FGD1: variants seen among roughly 807,000 people sequenced by gnomAD.
The protein encoded by FGD1 is FYVE, RhoGEF and PH domain-containing protein 1.
In FGD1, 12 loss-of-function variants were observed where a neutral mutation model predicts 65.0. That is an observed-to-expected ratio of 0.18 (90% CI 0.12 to 0.30). FGD1 has a LOEUF of 0.30. Among genes scored for constraint, FGD1 ranks in the 10% least tolerant of loss-of-function variants. FGD1 has a pLI of 1.00. For missense variants in FGD1, 542 were observed against 837.6 expected (o/e 0.65, Z 4.36); for synonymous variants, 333 against 343.9 (o/e 0.97, Z 0.35).
At chrX:54,469,318 A>G (rs1922829525) in intron 4 of FGD1, among the ~76,000 whole-genome samples, 1 of 112,233 alleles carries the variant, frequency 8.9e-6, no homozygotes, top group Admixed American at 9.5e-5. Flanking sequence ...ACAAAAACAA[A>G]ACCAAAACAA....
In FGD1 at chrX:54,465,723, C is replaced by T. The variant is rs1478541097; in HGVS notation, c.1470G>A (p.Gln490=). 2.5e-6 allele frequency: 3 copies of T among 1,211,506 alleles called. No individual in the cohort carries two copies. Among genetic ancestry groups the T allele is most frequent in the Admixed American group, 2.2e-5 (1 of 45,994 alleles). Residue 490 remains glutamine, a synonymous_variant, in exon 7 of 18, where the codon CAG becomes CAA. Transcript: ENST00000375135. The stretch of plus-strand genomic sequence containing the variant: ...GCACCTCATGGATGATGACTTTAAA[C>T]TGGGTGGAGCGCTCTGTCCAGGTGT... ...LVNTWTERST[Q]FKVIIHEVQK...
chrX:54,462,765 CTT>C (rs1181178139), intron 8 of FGD1, among the ~76,000 whole-genome samples: 4 of 83,821 alleles, frequency 4.8e-5, no homozygotes, highest in Non-Finnish European at 4.6e-5. Flanking sequence ...GCTGCTCCTT[CTT>C]TTTTTTTTTT....
chrX:54,452,703 G>A (rs952407037), intron 12 of FGD1, among the ~76,000 whole-genome samples: 2 of 111,416 alleles, frequency 1.8e-5, no homozygotes, highest in African/African-American at 3.3e-5. Flanking sequence ...CCGAGATGGC[G>A]CCACTGCACT....
chrX:54,494,676 T>TC (rs1397803723), intron 1 of FGD1, among the ~76,000 whole-genome samples: 1 of 110,801 alleles, frequency 9.0e-6, no homozygotes, highest in Non-Finnish European at 1.9e-5. Flanking sequence ...TCATGAGGGT[T>TC]CCTGAAGCTG....
chrX:54,470,828 GTGAAACCCCATCTCTA>G (rs1298392935), intron 2 of FGD1, 68 bp from the exon 3 acceptor site: 2 of 536,811 alleles, frequency 3.7e-6, no homozygotes, highest in African/African-American at 4.8e-5. Context: ...GGCTAACATG[GTGAAACCCCATCTCTA>G]CTAAAAATAC....
At chrX:54,456,690 C>T (rs1407886408) in intron 8 of FGD1, 123 bp from the exon 9 acceptor site, 18 of 526,932 alleles carry the variant, frequency 3.4e-5, no homozygotes, top group South Asian at 6.3e-5. Context: ...TGGAGTGCAG[C>T]GGCATGATCA....
chrX:54,449,701 G>A lies in FGD1; in HGVS notation c.2106C>T (p.Asn702=), dbSNP rs749630642. ...TGTCTTCATCTTCCCTGTTTGTTGA[G>A]TTCAACAGTTTGAAAGTCTCCAGCG... The part of the protein sequence containing the change: ...EQTLETFKLL[N]STNREDEDTP... The change falls in exon 14 of 18, where the codon AAC becomes AAT. Residue 702 remains asparagine, a synonymous_variant. Coordinates refer to ENST00000375135, the MANE Select transcript of FGD1 (RefSeq NM_004463.3). The A allele has an allele frequency of 2.5e-6, 3 of 1,206,509 alleles. No homozygotes were observed. The Admixed American group carries it at 6.6e-5, about 26-fold the overall frequency.
chrX:54,471,566 G>A, intron 1 of FGD1, 79 bp from the exon 2 acceptor site: 1 of 948,478 alleles, frequency 1.1e-6, no homozygotes, highest in Non-Finnish European at 1.5e-6. Context: ...GGACTGGCAT[G>A]TCTTAGCAGC....
chrX:54,449,045 G>T (rs1601948503), intron 15 of FGD1, 78 bp from the exon 16 acceptor site: 2 of 1,201,349 alleles, frequency 1.7e-6, no homozygotes, highest in Non-Finnish European at 2.3e-6. Context: ...CAGCAGACTT[G>T]TGGCCTCCCC....
intron 1 of FGD1, among the ~76,000 whole-genome samples, chrX:54,486,110 A>G (rs1442544209): frequency 2.9e-5 from 3 of 104,700 alleles, no homozygotes; most frequent in Non-Finnish European, 5.9e-5. Context: ...TTTTTGAGAC[A>G]GAGTCTCGCT....
intron 1 of FGD1, among the ~76,000 whole-genome samples, chrX:54,493,334 G>C (rs769889441): frequency 1.8e-5 from 2 of 112,415 alleles, no homozygotes; most frequent in African/African-American, 6.5e-5. Flanking sequence ...GTGAGCAAAA[G>C]AGATATAATC....
intron 17 of FGD1, among the ~76,000 whole-genome samples, chrX:54,446,939 G>A (rs1329481591): frequency 1.8e-5 from 2 of 110,225 alleles, no homozygotes; most frequent in Non-Finnish European, 3.8e-5. Context: ...GGCCAGGCTG[G>A]TCTTGAACTC....
At chrX:54,468,152 G>A (rs148552610) in intron 5 of FGD1, among the ~76,000 whole-genome samples, 46 of 111,668 alleles carry the variant, frequency 4.1e-4, no homozygotes, top group Middle Eastern at 4.6e-3. Context: ...GCTTGGTCCC[G>A]GCAGAGCAAG....
intron 1 of FGD1, among the ~76,000 whole-genome samples, chrX:54,477,860 C>T (rs1481919838): frequency 9.0e-6 from 1 of 111,498 alleles, no homozygotes; most frequent in African/African-American, 3.3e-5. Flanking sequence ...TGGCTCATGC[C>T]TGTAATCCCA....
Position 54,446,149 on chromosome X carries a change from G to C in FGD1, c.2846C>G (p.Ala949Gly). The change falls in exon 18 of 18, where the codon GCT (alanine) becomes GGT (glycine). Residue 949 changes from alanine (A) to glycine (G), a missense_variant. Coordinates refer to ENST00000375135, the MANE Select transcript of FGD1 (RefSeq NM_004463.3). ...EAPVAALGAT[A>G]EPPESPQTRD... The stretch of plus-strand genomic sequence containing the variant: ...GGTCTGGGGGGATTCGGGGGGTTCA[G>C]CAGTGGCTCCTAAAGCAGCCACCGG... The C allele has an allele frequency of 8.3e-7, 1 of 1,211,039 alleles. No homozygotes were observed. The highest frequency in any genetic ancestry group is 1.1e-6 in the Non-Finnish European group (1 of 895,180).
At chrX:54,456,408 GCCT>G (rs1922503319) in intron 9 of FGD1, 42 bp from the exon 10 acceptor site, 3 of 1,210,608 alleles carry the variant, frequency 2.5e-6, no homozygotes, top group Non-Finnish European at 2.2e-6. Flanking sequence ...TGGGGTGCCA[GCCT>G]CCTGTCAGAT....
At chrX:54,468,758 G>A (rs777406899) in intron 5 of FGD1, 29 bp downstream of exon 5, 2 of 1,086,528 alleles carry the variant, frequency 1.8e-6, no homozygotes, top group Admixed American at 2.3e-5. Context: ...AAGGTCCTGG[G>A]GCCCTCGTAC....
Position 54,447,455 on chromosome X carries a change from C to A in FGD1, c.2437-1G>T. 8.3e-7 allele frequency: 1 copy of A among 1,209,307 alleles called. No homozygotes were observed. Among genetic ancestry groups the A allele is most frequent in the African/African-American group, 1.7e-5 (1 of 57,897 alleles). Reference sequence around the variant, plus strand: ...TCTCTGCAGCCACTGAGGCCTGTTTCTGTGGCCAGAGACACCGGGCATCAA... The same window carrying A: ...TCTCTGCAGCCACTGAGGCCTGTTTATGTGGCCAGAGACACCGGGCATCAA... On this transcript the variant is annotated splice_acceptor_variant, in intron 16 of 17. Transcript: ENST00000375135. LOFTEE classifies it high-confidence loss of function.
intron 1 of FGD1, among the ~76,000 whole-genome samples, chrX:54,487,964 A>G (rs6614245): frequency 9.6e-6 from 1 of 103,699 alleles, no homozygotes; most frequent in South Asian, 4.6e-4. Flanking sequence ...AACCAACCAA[A>G]CAAACAAACA....
Sources: gnomAD v4.1 joint callset for allele counts (sites outside exome capture counted in the v4.1 genomes callset) on GRCh38, gnomAD v4.1.1 for gene constraint, MANE v1.5 for transcripts, NCBI Gene and HGNC (gene_info 2026-07-23, HGNC 2026-07-21) for gene names.